Variants in MACROD2 observed in about 807,000 individuals in gnomAD.
The protein encoded by MACROD2 is mono-ADP ribosylhydrolase 2.
MACROD2 carries 36 observed loss-of-function variants against 70.4 expected under a neutral mutation model. That is an observed-to-expected ratio of 0.51 (90% CI 0.39 to 0.68). The LOEUF is 0.68. MACROD2 is among the 30% of genes least tolerant of loss of function. The pLI is 0.00. For missense variants in MACROD2, 496 were observed against 538.4 expected, an observed-to-expected ratio of 0.92 and a Z score of 0.78; for synonymous variants, 172 against 178.8, an observed-to-expected ratio of 0.96 and a Z score of 0.30.
chr20:15,801,921 G>C (rs73246155), intron 8 of MACROD2, among the ~76,000 whole-genome samples: 10,206 of 151,922 alleles, frequency 0.067, 889 homozygotes, highest in African/African-American at 0.19. Context: ...TAACATTCTT[G>C]GTTAAATTTA....
At chr20:14,996,372 TG>T (rs1291867483) in intron 5 of MACROD2, among the ~76,000 whole-genome samples, 4 of 152,112 alleles carry the variant, frequency 2.6e-5, no homozygotes, top group Non-Finnish European at 5.9e-5. Context: ...AGGAAGGAGC[TG>T]TGAACATTAA....
At chr20:15,039,474 A>G (rs572530141) in intron 5 of MACROD2, among the ~76,000 whole-genome samples, 5 of 152,284 alleles carry the variant, frequency 3.3e-5, no homozygotes, top group African/African-American at 1.2e-4. Context: ...AGGGCAAAGG[A>G]AGGTTGGAGA....
chr20:15,615,275 AAG>A (rs941317200), intron 8 of MACROD2, among the ~76,000 whole-genome samples: 7 of 152,158 alleles, frequency 4.6e-5, no homozygotes, highest in African/African-American at 1.4e-4. Context: ...TCTCCATGTG[AAG>A]AGAGAGAGAA....
In MACROD2 at chr20:15,147,859, G is replaced by A. The variant is rs542149807; in HGVS notation, c.419-82081G>A. Among the ~76,000 whole-genome samples the A allele has an allele frequency of 1.2e-4, 19 of 152,192 alleles. 1 individual carries two copies. In the South Asian group the frequency reaches 3.9e-3, roughly 32 times the overall value. ...TTGGGTAGGTAAAGGAAAAAGGGGG[G>A]TTGTTCTCTGGCAGGCAGGAGTAGG... On this transcript the variant is annotated intron_variant, in intron 5 of 17. Transcript: ENST00000684519.
intron 5 of MACROD2, among the ~76,000 whole-genome samples, chr20:14,779,249 C>T (rs1410281500): frequency 1.3e-5 from 2 of 152,056 alleles, no homozygotes; most frequent in African/African-American, 4.8e-5. Flanking sequence ...GAATTGTGGT[C>T]GTCTAATTTG....
intron 5 of MACROD2, chr20:14,758,078 A>T: frequency 1.9e-6 from 1 of 534,204 alleles, no homozygotes; most frequent in South Asian, 2.2e-5. Flanking sequence ...GTTATTTTGC[A>T]TTGTATAAAC....
chr20:14,430,309 G>A (rs1429200739), intron 3 of MACROD2, among the ~76,000 whole-genome samples: 2 of 152,264 alleles, frequency 1.3e-5, no homozygotes. Flanking sequence ...ATAGTGACTT[G>A]ATGGCAGTCT....
chr20:15,710,610 A>G (rs1254051373), intron 8 of MACROD2, among the ~76,000 whole-genome samples: 1 of 152,188 alleles, frequency 6.6e-6, no homozygotes, highest in Non-Finnish European at 1.5e-5. Context: ...TATGGGCGTG[A>G]AAAAGGCTTT....
At chr20:15,670,188 C>T (rs543911262) in intron 8 of MACROD2, among the ~76,000 whole-genome samples, 1 of 152,296 alleles carries the variant, frequency 6.6e-6, no homozygotes, top group African/African-American at 2.4e-5. Flanking sequence ...ACGAAGGAAT[C>T]GGAAAGCAAC....
chr20:15,672,348 TACACAC>T lies in MACROD2; in HGVS notation c.645+172534_645+172539del, dbSNP rs3071295. On this transcript the variant is annotated intron_variant, in intron 8 of 17. Transcript: ENST00000684519. ...TTCATTTTCAAAATCTGTTCTATTT[TACACAC>T]ACACACACACACACACACACACACA... Among the ~76,000 whole-genome samples the T allele has an allele frequency of 2.7e-3, 390 of 141,948 alleles. 1 individual carries two copies. The highest frequency in any genetic ancestry group is 8.5e-3 in the African/African-American group (329 of 38,566). 93.1% of individuals were successfully genotyped at this position (141,948 alleles called of 152,430 possible).
chr20:15,901,554 CA>C lies in MACROD2; in HGVS notation c.775+15744del, dbSNP rs1415891302. Among the ~76,000 whole-genome samples the C allele has an allele frequency of 2.6e-5, 4 of 152,160 alleles. No individual in the cohort carries two copies. In the East Asian group the frequency reaches 7.7e-4, roughly 29 times the overall value. ...TTTTGGATATTGTTTTGTGTTTTCACATTTCATCATGTCTACAAAATGCCCA... is the reference window on the plus strand; with the variant it reads ...TTTTGGATATTGTTTTGTGTTTTCACTTTCATCATGTCTACAAAATGCCCA... On this transcript the variant is annotated intron_variant, in intron 10 of 17. Transcript: ENST00000684519.
chr20:14,090,961 A>G (rs769508717), intron 3 of MACROD2, among the ~76,000 whole-genome samples: 3 of 152,030 alleles, frequency 2.0e-5, no homozygotes, highest in Non-Finnish European at 2.9e-5. Flanking sequence ...ATGATATCTC[A>G]TTGTGGTTTC....
chr20:14,122,839 C>T (rs967614217), intron 3 of MACROD2, among the ~76,000 whole-genome samples: 1 of 152,046 alleles, frequency 6.6e-6, no homozygotes, highest in African/African-American at 2.4e-5. Flanking sequence ...TTAGATGCAC[C>T]CCTCTCATCC....
At chr20:15,781,900 G>A (rs1055550444) in intron 8 of MACROD2, among the ~76,000 whole-genome samples, 2 of 152,066 alleles carry the variant, frequency 1.3e-5, no homozygotes, top group Non-Finnish European at 2.9e-5. Flanking sequence ...TATGTAGTGG[G>A]GTAAGAGCAG....
chr20:15,432,439 A>G (rs1600403527), intron 7 of MACROD2, among the ~76,000 whole-genome samples: 1 of 152,014 alleles, frequency 6.6e-6, no homozygotes, highest in Admixed American at 6.6e-5. Flanking sequence ...AGATTCCCCT[A>G]CAGCCTGTCT....
chr20:14,176,616 GCTGTGTTCTA>G (rs1404272679), intron 3 of MACROD2, among the ~76,000 whole-genome samples: 2 of 152,092 alleles, frequency 1.3e-5, no homozygotes, highest in Non-Finnish European at 2.9e-5. Context: ...GGCAGTTAGT[GCTGTGTTCTA>G]TAGCATTCAG....
intron 2 of MACROD2, among the ~76,000 whole-genome samples, chr20:14,069,322 T>G (rs1266753574): frequency 6.6e-6 from 1 of 152,172 alleles, no homozygotes; most frequent in Admixed American, 6.5e-5. Context: ...CAACTTAGAT[T>G]TCCTTTTTTT....
chr20:15,227,823 GTT>G (rs59129207), intron 5 of MACROD2, among the ~76,000 whole-genome samples: 71 of 46,100 alleles, frequency 1.5e-3, no homozygotes, highest in South Asian at 0.015. Flanking sequence ...AATTTCACCT[GTT>G]TTTTTTTTTT....
rs185419374 is a variant in MACROD2 at position 15,758,392 on chromosome 20, C to T, written c.646-104353C>T. On this transcript the variant is annotated intron_variant, in intron 8 of 17. Transcript: ENST00000684519. ...TAGTTGGGATTACAGGTGCCCACCA[C>T]CACACCCAGCTAATTTTTGTTTTTT... is the stretch of plus-strand genomic sequence containing the variant. Among the ~76,000 whole-genome samples, 354 of 151,274 alleles carry T rather than the reference C, an allele frequency of 2.3e-3. 3 individuals are homozygous for T. Among genetic ancestry groups the T allele is most frequent in the African/African-American group, 8.2e-3 (338 of 41,294 alleles).
Sources: gnomAD v4.1 joint callset for allele counts (sites outside exome capture counted in the v4.1 genomes callset) on GRCh38, gnomAD v4.1.1 for gene constraint, MANE v1.5 for transcripts, NCBI Gene and HGNC (gene_info 2026-07-23, HGNC 2026-07-21) for gene names.